Variants in C11orf42 observed in about 807,000 individuals in gnomAD.
The protein encoded by C11orf42 is chromosome 11 open reading frame 42, also known as uncharacterized protein C11orf42.
C11orf42 carries 24 observed loss-of-function variants against 27.9 expected under a neutral mutation model. The observed-to-expected ratio is 0.86, with a 90% confidence interval of 0.62 to 1.21. The LOEUF (loss-of-function observed/expected upper bound fraction) is 1.21, where lower values mean the gene tolerates loss of function less well. C11orf42 is among the 50% of genes most tolerant of loss of function. The pLI, the probability that C11orf42 is intolerant of heterozygous loss-of-function variation, is 0.00. For synonymous variants in C11orf42, 187 were observed against 180.8 expected, an observed-to-expected ratio of 1.03 and a Z score of -0.28; for missense variants, 455 against 424.1, an observed-to-expected ratio of 1.07 and a Z score of -0.64.
In C11orf42 at chr11:6,210,057, G is replaced by A. The variant is rs200871795; in HGVS notation, c.280G>A (p.Ala94Thr). The part of the protein sequence containing the change: ...LEQAGSEGAF[A>T]HCTREYSPNG... ...GCAGGCAGGATCTGAGGGTGCCTTC[G>A]CCCACTGCACTCGGGAATACTCACC... The change falls in exon 2 of 3, where the codon GCC becomes ACC. Residue 94 changes from alanine (A) to threonine (T), a missense_variant. By Grantham distance (58) the Ala-to-Thr change is moderately conservative (BLOSUM62 0). Coordinates refer to ENST00000316375, the MANE Select transcript of C11orf42 (RefSeq NM_173525.3). The surrounding 1 kb of genome is among the most constrained non-coding windows in gnomAD (Gnocchi z 4.0). 1.7e-5 allele frequency: 27 copies of A among 1,614,184 alleles called. No individual in the cohort carries two copies. The highest frequency in any genetic ancestry group is 1.9e-5 in the Non-Finnish European group (23 of 1,180,020).
intron 1 of C11orf42, among the ~76,000 whole-genome samples, chr11:6,207,225 C>T (rs1431837343): frequency 6.6e-6 from 1 of 152,156 alleles, no homozygotes; most frequent in Admixed American, 6.5e-5. Flanking sequence ...AAGAACCGAG[C>T]TCCTTATTTT....
intron 1 of C11orf42, among the ~76,000 whole-genome samples, chr11:6,209,306 T>C (rs1405771537): frequency 1.3e-5 from 2 of 152,122 alleles, no homozygotes; most frequent in Non-Finnish European, 2.9e-5. Context: ...AAGCCTTTCA[T>C]AATCTAGTTC....
At position 6,211,128 on chromosome 11, in the gene C11orf42, C is replaced by T. The variant is rs1232588506; in HGVS notation, c.*86C>T. 1.3e-6 allele frequency: 2 copies of T among 1,544,618 alleles called. No individual in the cohort carries two copies. The highest frequency in any genetic ancestry group is 1.8e-6 in the Non-Finnish European group (2 of 1,141,542). ...CTAATAAACATCAGCTGCTGCTCCC[C>T]CAAACCATCCTGGGCCCATGCTGCT... On this transcript the variant is annotated 3_prime_UTR_variant, in exon 3 of 3. Coordinates refer to ENST00000316375, the MANE Select transcript of C11orf42 (RefSeq NM_173525.3).
At position 6,210,795 on chromosome 11, in the gene C11orf42, G is replaced by C; in HGVS notation, c.872-117G>C. On this transcript the variant is annotated intron_variant, in intron 2 of 2. Coordinates refer to ENST00000316375, the MANE Select transcript of C11orf42 (RefSeq NM_173525.3). This position sits in a 1 kb window ranked among gnomAD's most constrained non-coding sequence, Gnocchi z 4.0. Reference sequence around the variant, plus strand: ...GAATGAGGGAGACTGGGGAGGGTGAGATGGAATGAGGAGGCCCTAGGAAGG... The same window carrying C: ...GAATGAGGGAGACTGGGGAGGGTGACATGGAATGAGGAGGCCCTAGGAAGG... 1 of 1,407,018 alleles carries C rather than the reference G, an allele frequency of 7.1e-7. No individual in the cohort carries two copies. The allele number at this position is 1,407,018 out of a possible 1,614,324, so 87.2% of individuals were successfully genotyped here. A position where few individuals can be genotyped will look rare whatever the true frequency, so the allele number is the denominator to read the frequency against.
intron 1 of C11orf42, among the ~76,000 whole-genome samples, chr11:6,206,090 G>T (rs928323525): frequency 1.3e-5 from 2 of 152,048 alleles, no homozygotes; most frequent in Non-Finnish European, 2.9e-5. Flanking sequence ...ATGGGAGGGT[G>T]GTGAGTGTAT....
chr11:6,209,880 G>C lies in C11orf42; in HGVS notation c.103G>C (p.Val35Leu), dbSNP rs1241849665. ...VIEEHFGPNA[V>L]AVPFLSDAAC... The stretch of plus-strand genomic sequence containing the variant: ...CGAGGAGCACTTTGGGCCCAATGCA[G>C]TAGCAGTACCTTTCCTGTCAGATGC... Residue 35 changes from valine (V) to leucine (L), a missense_variant, in exon 2 of 3, where the codon GTA becomes CTA. Transcript: ENST00000316375. The C allele has an allele frequency of 6.3e-7, 1 of 1,595,244 alleles. No individual in the cohort carries two copies. Among genetic ancestry groups the C allele is most frequent in the Non-Finnish European group, 8.6e-7 (1 of 1,164,594 alleles).
chr11:6,205,814 A>T, intron 1 of C11orf42, 127 bp downstream of exon 1: 2 of 709,584 alleles, frequency 2.8e-6, no homozygotes, highest in South Asian at 3.7e-5. Context: ...CACTGCTTCC[A>T]TATGTGCCAG....
Position 6,209,996 on chromosome 11 carries a change from A to T in C11orf42, c.219A>T (p.Ala73=). The change falls in exon 2 of 3, where the codon GCA becomes GCT. Residue 73 remains alanine, a synonymous_variant. Coordinates refer to ENST00000316375, the MANE Select transcript of C11orf42 (RefSeq NM_173525.3). ...LALPGRQGRR[A]LKPVGPLPSL... ...TGCCAGGTCGGCAGGGCCGGAGGGC[A>T]CTGAAACCAGTGGGGCCACTACCAA... The T allele has an allele frequency of 1.2e-6, 2 of 1,614,088 alleles. No homozygotes were observed. Among genetic ancestry groups the T allele is most frequent in the East Asian group, 4.5e-5 (2 of 44,866 alleles).
Position 6,205,611 on chromosome 11 carries a change from C to A in C11orf42, c.-5C>A. 6.2e-7 allele frequency: 1 copy of A among 1,613,206 alleles called. No individual in the cohort carries two copies. Among genetic ancestry groups the A allele is most frequent in the Non-Finnish European group, 8.5e-7 (1 of 1,179,362 alleles). ...TGCCCTGCCCAATCCCTCCCATACC[C>A]CACCATGTTGGTGGGTACCCCCAAC... is the stretch of plus-strand genomic sequence containing the variant. On this transcript the variant is annotated 5_prime_UTR_variant, in exon 1 of 3. Transcript: ENST00000316375.
rs777348327 is a variant in C11orf42, at chr11:6,205,734, G to T, written c.72+47G>T. On this transcript the variant is annotated intron_variant, in intron 1 of 2. Coordinates refer to ENST00000316375, the MANE Select transcript of C11orf42 (RefSeq NM_173525.3). ...AAGAGGAAGCAACGAAGTGTGACCTGCATGGGTCTCAGCAGCTTGTGAGTA... is the reference window on the plus strand; with the variant it reads ...AAGAGGAAGCAACGAAGTGTGACCTTCATGGGTCTCAGCAGCTTGTGAGTA... The T allele has an allele frequency of 1.5e-5, 23 of 1,503,296 alleles. 1 individual carries two copies. The highest frequency in any genetic ancestry group is 1.8e-5 in the Non-Finnish European group (19 of 1,080,382). 93.1% of individuals were successfully genotyped at this position (1,503,296 alleles called of 1,614,324 possible). A position where few individuals can be genotyped will look rare whatever the true frequency, so the allele number is the denominator to read the frequency against.
Position 6,210,199 on chromosome 11 carries a change from C to G in C11orf42, c.422C>G (p.Pro141Arg), listed in dbSNP as rs1265542772. The G allele has an allele frequency of 6.2e-7, 1 of 1,614,116 alleles. No individual in the cohort carries two copies. The highest frequency in any genetic ancestry group is 2.2e-5 in the East Asian group (1 of 44,894). The change falls in exon 2 of 3, where the codon CCA becomes CGA. Residue 141 changes from proline (P) to arginine (R), a missense_variant. Physicochemically the swap from Pro to Arg is moderately radical, Grantham distance 103 (BLOSUM62 -2). Coordinates refer to ENST00000316375, the MANE Select transcript of C11orf42 (RefSeq NM_173525.3). The surrounding 1 kb of genome is among the most constrained non-coding windows in gnomAD (Gnocchi z 4.0). ...AAGGTTGCCTTCCTGTTGCTGCCAC[C>G]AGGGCAGGTGAGCCTACAGCAGACT... The part of the protein sequence containing the change: ...RKKVAFLLLP[P>R]GQVSLQQTLP...
rs546825542 is a variant in C11orf42 at position 6,210,118 on chromosome 11, G to A, written c.341G>A (p.Arg114Gln). 20 of 1,614,166 alleles carry A rather than the reference G, an allele frequency of 1.2e-5. No homozygotes were observed. Among genetic ancestry groups the A allele is most frequent in the East Asian group, 1.1e-4 (5 of 44,872 alleles). ...GCAGAGAGAGCCTATGAAGAGACGC[G>A]AATGTTGGATGGACAGCCCTGCAAG... ...GRAERAYEET[R>Q]MLDGQPCKIR... The change falls in exon 2 of 3, where the codon CGA becomes CAA. Residue 114 changes from arginine (R) to glutamine (Q), a missense_variant. Transcript: ENST00000316375. The surrounding 1 kb of genome is among the most constrained non-coding windows in gnomAD (Gnocchi z 4.0).
Position 6,210,260 on chromosome 11 carries a change from C to A in C11orf42, c.483C>A (p.Val161=), listed in dbSNP as rs199997494. 1.2e-5 allele frequency: 20 copies of A among 1,614,244 alleles called. No homozygotes were observed. Among genetic ancestry groups the A allele is most frequent in the Non-Finnish European group, 1.6e-5 (19 of 1,180,036 alleles). The part of the protein sequence containing the change: ...PWLRSTHSIY[V]IYQVFSCSWL... ...TCCGAAGCACCCACAGCATCTATGTCATCTACCAGGTCTTCTCTTGTTCCT... is the reference window on the plus strand; with the variant it reads ...TCCGAAGCACCCACAGCATCTATGTAATCTACCAGGTCTTCTCTTGTTCCT... The change falls in exon 2 of 3, where the codon GTC becomes GTA. Residue 161 remains valine, a synonymous_variant. Transcript: ENST00000316375. The surrounding 1 kb of genome is among the most constrained non-coding windows in gnomAD (Gnocchi z 4.0).
rs753373657 is a variant in C11orf42 at position 6,210,096 on chromosome 11, G to C, written c.319G>C (p.Glu107Gln). 6.8e-6 allele frequency: 11 copies of C among 1,614,130 alleles called. No individual in the cohort carries two copies. Among genetic ancestry groups the C allele is most frequent in the South Asian group, 2.2e-5 (2 of 91,094 alleles). Residue 107 changes from glutamate to glutamine, a missense_variant, in exon 2 of 3, where the codon GAG (glutamate) becomes CAG (glutamine). Coordinates refer to ENST00000316375, the MANE Select transcript of C11orf42 (RefSeq NM_173525.3). This position sits in a 1 kb window ranked among gnomAD's most constrained non-coding sequence, Gnocchi z 4.0. ...TREYSPNGRA[E>Q]RAYEETRMLD... is the part of the protein sequence containing the mutation. ...GGAATACTCACCAAATGGCCGAGCAGAGAGAGCCTATGAAGAGACGCGAAT... is the reference window on the plus strand; with the variant it reads ...GGAATACTCACCAAATGGCCGAGCACAGAGAGCCTATGAAGAGACGCGAAT...
chr11:6,210,421 C>G lies in C11orf42; in HGVS notation c.644C>G (p.Thr215Ser), dbSNP rs1234011719. 1 of 1,614,222 alleles carries G rather than the reference C, an allele frequency of 6.2e-7. No individual in the cohort carries two copies. The highest frequency in any genetic ancestry group is 2.2e-5 in the East Asian group (1 of 44,866). Residue 215 changes from threonine to serine, a missense_variant, in exon 2 of 3, where the codon ACT becomes AGT. By Grantham distance (58) the Thr-to-Ser change is moderately conservative (BLOSUM62 1). Transcript: ENST00000316375. This position sits in a 1 kb window ranked among gnomAD's most constrained non-coding sequence, Gnocchi z 4.0. ...GTGCTGGGACCACAGAAGCCTCTCACTAAAGACCCATTGCCCCATGGGGCC... is the reference window on the plus strand; with the variant it reads ...GTGCTGGGACCACAGAAGCCTCTCAGTAAAGACCCATTGCCCCATGGGGCC... ...KGVLGPQKPL[T>S]KDPLPHGANW...
Position 6,210,384 on chromosome 11 carries a change from C to A in C11orf42, c.607C>A (p.Gln203Lys), listed in dbSNP as rs778181339. 1.2e-6 allele frequency: 2 copies of A among 1,614,226 alleles called. No individual in the cohort carries two copies. Among genetic ancestry groups the A allele is most frequent in the East Asian group, 2.2e-5 (1 of 44,870 alleles). ...CTTCTCCTGCCTCAAGTTTTCACTG[C>A]AGTCTAAGGGCGTGCTGGGACCACA... ...VAFSCLKFSL[Q>K]SKGVLGPQKP... is the part of the protein sequence containing the mutation. The change falls in exon 2 of 3, where the codon CAG becomes AAG. Residue 203 changes from glutamine (Q) to lysine (K), a missense_variant. Transcript: ENST00000316375. The surrounding 1 kb of genome is among the most constrained non-coding windows in gnomAD (Gnocchi z 4.0).
At chr11:6,208,091 T>G (rs1438377058) in intron 1 of C11orf42, among the ~76,000 whole-genome samples, 1 of 152,160 alleles carries the variant, frequency 6.6e-6, no homozygotes, top group Non-Finnish European at 1.5e-5. Context: ...AAACCATACT[T>G]AAGTACAATT....
Position 6,210,486 on chromosome 11 carries a change from G to T in C11orf42, c.709G>T (p.Ala237Ser). ...RPNLSIMPPL[A>S]PTSAPADTTE... Reference sequence around the variant, plus strand: ...CAACCTCAGCATCATGCCGCCTCTGGCCCCCACATCAGCACCTGCTGATAC... The same window carrying T: ...CAACCTCAGCATCATGCCGCCTCTGTCCCCCACATCAGCACCTGCTGATAC... The change falls in exon 2 of 3, where the codon GCC becomes TCC. Residue 237 changes from alanine (A) to serine (S), a missense_variant. Ala to Ser is a moderately conservative substitution (Grantham distance 99). Coordinates refer to ENST00000316375, the MANE Select transcript of C11orf42 (RefSeq NM_173525.3). The surrounding 1 kb of genome is among the most constrained non-coding windows in gnomAD (Gnocchi z 4.0). 3.1e-6 allele frequency: 5 copies of T among 1,613,652 alleles called. No homozygotes were observed. Among genetic ancestry groups the T allele is most frequent in the Non-Finnish European group, 4.2e-6 (5 of 1,179,712 alleles).
At chr11:6,209,746 C>G in intron 1 of C11orf42, 104 bp from the exon 2 acceptor site, 1 of 1,162,854 alleles carries the variant, frequency 8.6e-7, no homozygotes, top group South Asian at 1.5e-5. Flanking sequence ...AATCTGAACA[C>G]ATTATAGAGA....
Sources: gnomAD v4.1 joint callset for allele counts (sites outside exome capture counted in the v4.1 genomes callset) on GRCh38, gnomAD v4.1.1 for gene constraint, Gnocchi (gnomAD v3.1) non-coding constraint, MANE v1.5 for transcripts, NCBI Gene and HGNC (gene_info 2026-07-23, HGNC 2026-07-21) for gene names.